Variants in ZNF385D observed in about 807,000 individuals in gnomAD.
The protein encoded by ZNF385D is zinc finger protein 385D.
ZNF385D carries 15 observed loss-of-function variants against 35.8 expected under a neutral mutation model. The ratio of observed to expected loss-of-function variants is 0.42; its 90% confidence interval spans 0.28 to 0.64. ZNF385D has a LOEUF of 0.64. ZNF385D is among the 30% of genes least tolerant of loss of function. ZNF385D has a pLI of 0.23. For missense variants in ZNF385D, 474 were observed against 494.6 expected (o/e 0.96, Z 0.39); for synonymous variants, 212 against 186.8 (o/e 1.13, Z -1.10).
At chr3:21,758,231 T>C (rs1484259112) in intron 3 of ZNF385D, among the ~76,000 whole-genome samples, 5 of 152,224 alleles carry the variant, frequency 3.3e-5, no homozygotes, top group Non-Finnish European at 7.3e-5. Flanking sequence ...ATGAAGGCTC[T>C]TATGAGTCAA....
At position 21,866,974 on chromosome 3, in the gene ZNF385D, G is replaced by A. The variant is rs147170504; in HGVS notation, c.326-201946C>T. ...GCACCCAATACCCATTATCTTAGTC[G>A]ATTTGTGCTACATAACAGAACACCT... On this transcript the variant is annotated intron_variant, in intron 3 of 5. Transcript: ENST00000494108. Among the ~76,000 whole-genome samples, 755 of 152,148 alleles carry A rather than the reference G, an allele frequency of 5.0e-3. 8 individuals carry two copies. Among genetic ancestry groups the A allele is most frequent in the African/African-American group, 0.017 (717 of 41,538 alleles).
intron 3 of ZNF385D, among the ~76,000 whole-genome samples, chr3:22,145,034 G>GTA (rs1315851582): frequency 6.6e-6 from 1 of 151,800 alleles, no homozygotes; most frequent in Non-Finnish European, 1.5e-5. Context: ...GTGTGTGTGT[G>GTA]TGTGTAGTCA....
At chr3:21,756,493 T>C (rs1271609318) in intron 3 of ZNF385D, among the ~76,000 whole-genome samples, 1 of 152,096 alleles carries the variant, frequency 6.6e-6, no homozygotes, top group African/African-American at 2.4e-5. Flanking sequence ...TTTGGCTATA[T>C]GGGTCTGGAG....
At chr3:22,114,242 T>A (rs1702693586) in intron 3 of ZNF385D, among the ~76,000 whole-genome samples, 1 of 152,048 alleles carries the variant, frequency 6.6e-6, no homozygotes, top group Non-Finnish European at 1.5e-5. Flanking sequence ...AGGATTTACA[T>A]AACATTAAAT....
At chr3:22,253,622 T>C (rs1025002945) in intron 2 of ZNF385D, among the ~76,000 whole-genome samples, 1 of 151,972 alleles carries the variant, frequency 6.6e-6, no homozygotes, top group Non-Finnish European at 1.5e-5. Context: ...CTGGCATTGA[T>C]TTTTTTCAGG....
At chr3:22,276,069 A>T (rs1701412162) in intron 2 of ZNF385D, among the ~76,000 whole-genome samples, 1 of 152,146 alleles carries the variant, frequency 6.6e-6, no homozygotes, top group Non-Finnish European at 1.5e-5. Context: ...TGGGTGACAG[A>T]GTGAGACTTT....
intron 3 of ZNF385D, among the ~76,000 whole-genome samples, chr3:22,109,220 CTCAG>C (rs1202903035): frequency 6.6e-6 from 1 of 152,126 alleles, no homozygotes; most frequent in Non-Finnish European, 1.5e-5. Flanking sequence ...AGGTGAATGA[CTCAG>C]TCAGAGGTCC....
In ZNF385D at chr3:22,225,915, G is replaced by A. The variant is rs1698525477; in HGVS notation, c.107-56880C>T. On this transcript the variant is annotated intron_variant, in intron 2 of 5. Coordinates refer to the ZNF385D transcript ENST00000494108. ...TGTTTAGTTTAGGTCAAATTGTTGT[G>A]CACGTGTGCACATATGTCTCTTTAC... Among the ~76,000 whole-genome samples the A allele has an allele frequency of 1.3e-5, 2 of 152,086 alleles. 1 individual carries two copies. The highest frequency in any genetic ancestry group is 4.1e-4 in the South Asian group (2 of 4,826).
intron 3 of ZNF385D, among the ~76,000 whole-genome samples, chr3:22,144,661 T>C (rs1023246159): frequency 4.8e-5 from 6 of 126,180 alleles, no homozygotes; most frequent in Admixed American, 1.6e-4. Context: ...TTAGTCATCA[T>C]TAGTAGATAT....
chr3:21,959,977 G>T (rs1159224977), intron 3 of ZNF385D, among the ~76,000 whole-genome samples: 4 of 147,990 alleles, frequency 2.7e-5, no homozygotes, highest in African/African-American at 1.0e-4. Flanking sequence ...CAGAACATTG[G>T]AGTAGGCAAA....
intron 2 of ZNF385D, among the ~76,000 whole-genome samples, chr3:22,181,697 C>CAAAAA (rs71620745): frequency 1.2e-5 from 1 of 83,700 alleles, no homozygotes. Flanking sequence ...GACTCCGTCT[C>CAAAAA]AAAAAAAAAA....
intron 2 of ZNF385D, among the ~76,000 whole-genome samples, chr3:22,197,699 C>G (rs1274773182): frequency 6.6e-6 from 1 of 152,082 alleles, no homozygotes; most frequent in Non-Finnish European, 1.5e-5. Context: ...GCCAGATGCT[C>G]TGCTTATAAT....
intron 3 of ZNF385D, among the ~76,000 whole-genome samples, chr3:22,143,733 CTTAAT>C (rs1323924967): frequency 6.6e-6 from 1 of 151,996 alleles, no homozygotes; most frequent in Non-Finnish European, 1.5e-5. Context: ...AGATTATGTT[CTTAAT>C]TTAAACAATT....
At chr3:22,012,665 C>A (rs955030533) in intron 3 of ZNF385D, among the ~76,000 whole-genome samples, 3 of 152,112 alleles carry the variant, frequency 2.0e-5, no homozygotes, top group Non-Finnish European at 4.4e-5. Context: ...TGAACTCTCA[C>A]TCAACAGGGA....
intron 3 of ZNF385D, among the ~76,000 whole-genome samples, chr3:21,771,562 T>G (rs948071460): frequency 4.0e-5 from 6 of 151,194 alleles, no homozygotes; most frequent in Non-Finnish European, 8.9e-5. Context: ...TTCAACACAA[T>G]TACCTTAAAG....
chr3:21,845,618 T>C (rs977928916), intron 3 of ZNF385D, among the ~76,000 whole-genome samples: 21 of 152,046 alleles, frequency 1.4e-4, no homozygotes, highest in Non-Finnish European at 2.4e-4. Context: ...CTTTCTTTTT[T>C]ACAGTCCTGT....
intron 3 of ZNF385D, among the ~76,000 whole-genome samples, chr3:21,793,536 A>G (rs1449485584): frequency 6.6e-6 from 1 of 152,182 alleles, no homozygotes; most frequent in Non-Finnish European, 1.5e-5. Context: ...TTAAAATTTG[A>G]GGAGCATTTC....
In ZNF385D at chr3:22,172,651, T is replaced by C. The variant is rs563515690; in HGVS notation, c.107-3616A>G. On this transcript the variant is annotated intron_variant, in intron 2 of 5. Transcript: ENST00000494108. ...TAACCTAATTAAGAATCAAAAGTTG[T>C]AGACACAGAAGCCAACTGAAAAAAC... 3.0e-4 allele frequency among the ~76,000 whole-genome samples: 46 copies of C among 152,188 alleles called. No individual in the cohort carries two copies. In the East Asian group the frequency reaches 8.5e-3, roughly 28 times the overall value.
chr3:21,882,479 A>T (rs969523478), intron 3 of ZNF385D, among the ~76,000 whole-genome samples: 1 of 152,056 alleles, frequency 6.6e-6, no homozygotes, highest in Non-Finnish European at 1.5e-5. Flanking sequence ...ATAGTACAGT[A>T]TAAACATAAC....
Sources: allele counts gnomAD v4.1 joint callset (sites outside exome capture counted in the v4.1 genomes callset), GRCh38; gene constraint gnomAD v4.1.1; transcripts MANE v1.5; gene names NCBI Gene and HGNC (gene_info 2026-07-23, HGNC 2026-07-21).